The following ARHGAP39 variants were observed in gnomAD, a reference collection of about 807,000 sequenced individuals.
ARHGAP39 encodes Rho GTPase activating protein 39.
Under a neutral mutation model 106.9 loss-of-function variants are expected in ARHGAP39, and 44 were observed. The observed-to-expected ratio is 0.41, with a 90% CI of 0.32 to 0.53. ARHGAP39 has a LOEUF of 0.53. Among genes scored for constraint, ARHGAP39 ranks in the 20% least tolerant of loss-of-function variants. The pLI is 0.21. For synonymous variants in ARHGAP39, 768 were observed against 693.2 expected, an observed-to-expected ratio of 1.11 and a Z score of -1.69; for missense variants, 1,496 against 1,577.3, an observed-to-expected ratio of 0.95 and a Z score of 0.87.
chr8:144,633,463 AAAG>A (rs1309862782), intron 1 of ARHGAP39, among the ~76,000 whole-genome samples: 1 of 152,230 alleles, frequency 6.6e-6, no homozygotes, highest in Admixed American at 6.5e-5. Flanking sequence ...GTCTCAAAAA[AAAG>A]AAGAAAAAGA....
intron 6 of ARHGAP39, among the ~76,000 whole-genome samples, chr8:144,538,375 T>C (rs563088233): frequency 6.6e-6 from 1 of 152,178 alleles, no homozygotes; most frequent in Non-Finnish European, 1.5e-5. Flanking sequence ...TCCTGTGAGG[T>C]ACCGTCTCCT....
chr8:144,577,985 A>G (rs1313542456), intron 3 of ARHGAP39, among the ~76,000 whole-genome samples: 1 of 152,208 alleles, frequency 6.6e-6, no homozygotes, highest in Admixed American at 6.5e-5. Context: ...AAATTCCAAA[A>G]GCTTTTTTTT....
At chr8:144,656,028 A>C (rs937236637) in intron 1 of ARHGAP39, among the ~76,000 whole-genome samples, 1 of 152,204 alleles carries the variant, frequency 6.6e-6, no homozygotes, top group Non-Finnish European at 1.5e-5. Context: ...AAAGAATAAA[A>C]CCAAAAACAA....
Position 144,646,097 on chromosome 8 carries a change from C to A in ARHGAP39, c.-82+39589G>T, listed in dbSNP as rs773528527. Among the ~76,000 whole-genome samples the A allele has an allele frequency of 2.0e-5, 3 of 152,226 alleles. No individual in the cohort carries two copies. The highest frequency in any genetic ancestry group is 4.4e-5 in the Non-Finnish European group (3 of 68,042). On this transcript the variant is annotated intron_variant, in intron 1 of 11. Coordinates refer to ENST00000377307, the MANE Select transcript of ARHGAP39 (RefSeq NM_025251.3). The surrounding 1 kb of genome is among the most constrained non-coding windows in gnomAD (Gnocchi z 5.7). ...CGGAGCTGCACTGGTCACCCCTCCCCACCGGTGGCACCAAATGTCCGCCAG... is the reference window on the plus strand; with the variant it reads ...CGGAGCTGCACTGGTCACCCCTCCCAACCGGTGGCACCAAATGTCCGCCAG...
At chr8:144,541,925 C>T (rs1031026981) in intron 6 of ARHGAP39, among the ~76,000 whole-genome samples, 2 of 150,676 alleles carry the variant, frequency 1.3e-5, no homozygotes, top group African/African-American at 2.4e-5. Flanking sequence ...TGAGGAACTG[C>T]CTACCAGTTT....
intron 3 of ARHGAP39, among the ~76,000 whole-genome samples, chr8:144,565,838 T>C (rs1818373400): frequency 6.6e-6 from 1 of 151,808 alleles, no homozygotes; most frequent in East Asian, 1.9e-4. Context: ...TGGCTCACAC[T>C]TGTCGCACTA....
intron 2 of ARHGAP39, among the ~76,000 whole-genome samples, chr8:144,587,654 C>CT (rs1182233262): frequency 1.3e-3 from 183 of 136,072 alleles, no homozygotes; most frequent in African/African-American, 2.1e-3. Context: ...GGCAGAGAGA[C>CT]TTTTTTTTTT....
intron 2 of ARHGAP39, among the ~76,000 whole-genome samples, chr8:144,600,397 CGT>C (rs1214882721): frequency 1.7e-4 from 22 of 130,020 alleles, no homozygotes; most frequent in African/African-American, 2.4e-4. Context: ...TGTGTGGAGG[CGT>C]GTGTGTGCAC....
At chr8:144,662,033 G>A (rs930887385) in intron 1 of ARHGAP39, among the ~76,000 whole-genome samples, 28 of 137,782 alleles carry the variant, frequency 2.0e-4, no homozygotes, top group Admixed American at 5.1e-4. Context: ...ACCTTGGACC[G>A]TTCCCCACAT....
At chr8:144,660,518 A>T (rs1563727724) in intron 1 of ARHGAP39, among the ~76,000 whole-genome samples, 1 of 152,172 alleles carries the variant, frequency 6.6e-6, no homozygotes, top group Non-Finnish European at 1.5e-5. Flanking sequence ...TGCTTAAAGT[A>T]AAGTTGAGTA....
the ARHGAP39 span, among the ~76,000 whole-genome samples, chr8:144,696,426 C>T: frequency 6.6e-6 from 1 of 152,184 alleles, no homozygotes; most frequent in Non-Finnish European, 1.5e-5. Flanking sequence ...GGGTGAGCCA[C>T]CGCACCTGGC....
At chr8:144,539,130 G>A (rs975866447) in intron 6 of ARHGAP39, among the ~76,000 whole-genome samples, 6 of 152,144 alleles carry the variant, frequency 3.9e-5, no homozygotes, top group African/African-American at 1.4e-4. Context: ...CAAGATCTGG[G>A]TGTGCGATGT....
intron 3 of ARHGAP39, among the ~76,000 whole-genome samples, chr8:144,578,420 G>A (rs1174014887): frequency 6.6e-6 from 1 of 152,122 alleles, no homozygotes; most frequent in Non-Finnish European, 1.5e-5. Flanking sequence ...GTAGAGACAG[G>A]GTTCTGCCAC....
intron 1 of ARHGAP39, among the ~76,000 whole-genome samples, chr8:144,619,426 G>A (rs897257609): frequency 5.3e-5 from 8 of 151,890 alleles, no homozygotes; most frequent in Non-Finnish European, 8.8e-5. Flanking sequence ...GCGTGAGCCC[G>A]TGTGTCCCTG....
intron 6 of ARHGAP39, among the ~76,000 whole-genome samples, chr8:144,542,655 T>C (rs1040734519): frequency 1.6e-5 from 2 of 127,560 alleles, no homozygotes; most frequent in African/African-American, 2.9e-5. Context: ...CGACGGAGTC[T>C]TGGCCGGGCA....
At chr8:144,652,042 CA>C (rs754706634) in intron 1 of ARHGAP39, among the ~76,000 whole-genome samples, 6 of 152,072 alleles carry the variant, frequency 3.9e-5, no homozygotes, top group Non-Finnish European at 8.8e-5. Context: ...ATACAAAAAG[CA>C]ATGGCAACAA....
chr8:144,558,537 C>T (rs557984332), intron 3 of ARHGAP39, among the ~76,000 whole-genome samples: 1 of 152,042 alleles, frequency 6.6e-6, no homozygotes, highest in Non-Finnish European at 1.5e-5. Flanking sequence ...AGGTGATCCA[C>T]CTGCCTTGGC....
the ARHGAP39 span, among the ~76,000 whole-genome samples, chr8:144,691,744 T>C: frequency 6.6e-6 from 1 of 152,090 alleles, no homozygotes; most frequent in Non-Finnish European, 1.5e-5. Flanking sequence ...ATTTGATTTA[T>C]GACCTAAGTA....
chr8:144,593,693 A>G (rs1819491032), intron 2 of ARHGAP39, among the ~76,000 whole-genome samples: 1 of 152,144 alleles, frequency 6.6e-6, no homozygotes, highest in Non-Finnish European at 1.5e-5. Flanking sequence ...GACTCTCCTA[A>G]TTCAGTAACA....
Sources: allele counts gnomAD v4.1 joint callset (sites outside exome capture counted in the v4.1 genomes callset), GRCh38; gene constraint gnomAD v4.1.1; non-coding constraint Gnocchi (gnomAD v3.1); transcripts MANE v1.5; gene names NCBI Gene and HGNC (gene_info 2026-07-23, HGNC 2026-07-21).